Variants in VWA5A observed in about 807,000 individuals in gnomAD.
VWA5A encodes the protein von Willebrand factor A domain-containing protein 5A.
A neutral mutation model predicts 84.6 loss-of-function variants in VWA5A; 77 were observed. The ratio of observed to expected loss-of-function variants is 0.91; its 90% CI spans 0.76 to 1.10. VWA5A has a LOEUF of 1.10. Among genes scored for constraint, VWA5A ranks in the 50% least tolerant of loss-of-function variants. The probability of loss-of-function intolerance (pLI) is 0.00; values close to 1 mark genes in which losing one functional copy is unlikely to be tolerated. For synonymous variants in VWA5A, 334 were observed against 350.1 expected (o/e 0.95, Z 0.51); for missense variants, 973 against 963.0 (o/e 1.01, Z -0.14).
chr11:124,139,471 C>T (rs1447854637), intron 15 of VWA5A, among the ~76,000 whole-genome samples: 1 of 152,144 alleles, frequency 6.6e-6, no homozygotes, highest in East Asian at 1.9e-4. Flanking sequence ...TTTCCTTCAT[C>T]AATGTCTTAC....
intron 5 of VWA5A, 49 bp downstream of exon 5, chr11:124,118,460 GA>G (rs1249611713): frequency 6.2e-7 from 1 of 1,610,980 alleles, no homozygotes; most frequent in Non-Finnish European, 8.5e-7. Context: ...CATAAATGGG[GA>G]AATTTTCTTA....
intron 7 of VWA5A, among the ~76,000 whole-genome samples, chr11:124,119,933 CT>C (rs1246921962): frequency 6.6e-6 from 1 of 152,132 alleles, no homozygotes; most frequent in Non-Finnish European, 1.5e-5. Flanking sequence ...TTCTTAATTT[CT>C]TTTTTATCTA....
intron 18 of VWA5A, 93 bp from the exon 19 acceptor site, chr11:124,145,773 T>C: frequency 3.0e-6 from 4 of 1,317,236 alleles, no homozygotes; most frequent in Non-Finnish European, 4.1e-6. Flanking sequence ...TGAGGACAGA[T>C]AAAAGCACAA....
intron 15 of VWA5A, among the ~76,000 whole-genome samples, chr11:124,137,968 C>G (rs1300403196): frequency 6.6e-6 from 1 of 152,240 alleles, no homozygotes; most frequent in Non-Finnish European, 1.5e-5. Flanking sequence ...AAGCAATCCT[C>G]CCACCTCAGC....
intron 7 of VWA5A, among the ~76,000 whole-genome samples, chr11:124,121,374 T>G (rs1864929587): frequency 6.6e-6 from 1 of 152,182 alleles, no homozygotes; most frequent in South Asian, 2.1e-4. Context: ...ACTCTTACAA[T>G]CAAGCTTGTT....
Position 124,145,258 on chromosome 11 carries a change from G to T in VWA5A, c.2176G>T (p.Ala726Ser). The T allele has an allele frequency of 6.2e-7, 1 of 1,613,558 alleles. No individual in the cohort carries two copies. The highest frequency in any genetic ancestry group is 8.5e-7 in the Non-Finnish European group (1 of 1,179,700). Residue 726 changes from alanine (A) to serine (S), a missense_variant, in exon 18 of 19, where the codon GCC becomes TCC. Physicochemically the swap from Ala to Ser is moderately conservative, Grantham distance 99 (BLOSUM62 1). Coordinates refer to ENST00000456829, the MANE Select transcript of VWA5A (RefSeq NM_001130142.2). Reference protein sequence around the residue: ...PAELVDSSGWATILAVIWLHS... With the variant: ...PAELVDSSGWSTILAVIWLHS... The stretch of plus-strand genomic sequence containing the variant: ...GCAGCTTGTGGATTCCTCAGGCTGG[G>T]CCACCATCCTGGCCGTGATCTGGCT...
chr11:124,118,799 A>T, intron 6 of VWA5A, 91 bp downstream of exon 6: 1 of 1,477,318 alleles, frequency 6.8e-7, no homozygotes, highest in East Asian at 2.5e-5. Flanking sequence ...GTGGTAACCC[A>T]GAGGGGGTCC....
intron 15 of VWA5A, among the ~76,000 whole-genome samples, chr11:124,141,264 A>G (rs1014008774): frequency 3.9e-5 from 6 of 152,234 alleles, no homozygotes; most frequent in Admixed American, 1.3e-4. Context: ...ACATTGAGCA[A>G]CAACCATTTG....
chr11:124,141,581 T>C lies in VWA5A; in HGVS notation c.1880-17T>C, dbSNP rs747213040. ...AGAGCAGGGAGTGCCACTGTCTTAA[T>C]GTTTGGATTTTTTCAGGTTTTCGAA... On this transcript the variant is annotated splice_polypyrimidine_tract_variant and intron_variant, in intron 15 of 18. Coordinates refer to ENST00000456829, the MANE Select transcript of VWA5A (RefSeq NM_001130142.2). 4.3e-6 allele frequency: 7 copies of C among 1,613,564 alleles called. No homozygotes were observed. In the African/African-American group the frequency reaches 5.3e-5, roughly 12 times the overall value.
chr11:124,143,198 A>G (rs755742787), intron 17 of VWA5A, among the ~76,000 whole-genome samples: 1 of 152,192 alleles, frequency 6.6e-6, no homozygotes, highest in Non-Finnish European at 1.5e-5. Context: ...GTTACTAGGA[A>G]CCACCTAGTT....
chr11:124,136,048 G>C, intron 12 of VWA5A, 81 bp from the exon 13 acceptor site: 1 of 1,489,904 alleles, frequency 6.7e-7, no homozygotes, highest in Non-Finnish European at 9.2e-7. Flanking sequence ...TATCACATCT[G>C]ATACATAATA....
chr11:124,141,566 G>A (rs975000957), intron 15 of VWA5A, 32 bp from the exon 16 acceptor site: 2 of 1,611,794 alleles, frequency 1.2e-6, no homozygotes, highest in Non-Finnish European at 1.7e-6. Flanking sequence ...AGAGCAGGGA[G>A]TGCCACTGTC....
chr11:124,128,439 G>A (rs1488733011), intron 11 of VWA5A, among the ~76,000 whole-genome samples: 1 of 152,148 alleles, frequency 6.6e-6, no homozygotes, highest in Non-Finnish European at 1.5e-5. Flanking sequence ...TTTGAAGCCA[G>A]GTAGCGTGAT....
intron 6 of VWA5A, 100 bp downstream of exon 6, chr11:124,118,808 C>T (rs552540501): frequency 4.2e-4 from 586 of 1,408,108 alleles, no homozygotes; most frequent in Non-Finnish European, 5.3e-4. Flanking sequence ...CAGAGGGGGT[C>T]CCACATGCTC....
chr11:124,121,538 C>T (rs998319371), intron 7 of VWA5A, among the ~76,000 whole-genome samples: 5 of 151,890 alleles, frequency 3.3e-5, no homozygotes, highest in African/African-American at 1.2e-4. Context: ...TTATGTGTGG[C>T]CCAAGACAAT....
chr11:124,145,461 G>T (rs1236243951), intron 18 of VWA5A, 98 bp downstream of exon 18: 1 of 1,426,442 alleles, frequency 7.0e-7, no homozygotes, highest in Admixed American at 2.6e-5. Flanking sequence ...CCACCATCCT[G>T]CTTCAGATCT....
At chr11:124,145,756 G>C in intron 18 of VWA5A, 110 bp from the exon 19 acceptor site, 6 of 1,103,318 alleles carry the variant, frequency 5.4e-6, no homozygotes, top group Non-Finnish European at 7.6e-6. Context: ...AGAAAAAGCA[G>C]GGATATTGAG....
At chr11:124,119,291 G>A (rs1296913245) in intron 7 of VWA5A, among the ~76,000 whole-genome samples, 1 of 152,198 alleles carries the variant, frequency 6.6e-6, no homozygotes, top group Admixed American at 6.5e-5. Flanking sequence ...AATTTAAGTA[G>A]ATCAGTAGAT....
chr11:124,121,057 C>T (rs574782126), intron 7 of VWA5A, among the ~76,000 whole-genome samples: 1 of 152,328 alleles, frequency 6.6e-6, no homozygotes, highest in Middle Eastern at 3.4e-3. Flanking sequence ...AGATGACTTG[C>T]TGTTCTCATC....
Sources: gnomAD v4.1 joint callset for allele counts (sites outside exome capture counted in the v4.1 genomes callset) on GRCh38, gnomAD v4.1.1 for gene constraint, MANE v1.5 for transcripts, NCBI Gene and HGNC (gene_info 2026-07-23, HGNC 2026-07-21) for gene names.